Variants in PM20D2 observed in about 807,000 individuals in gnomAD.
PM20D2 encodes xaa-Arg dipeptidase.
Under a neutral mutation model 42.9 loss-of-function variants are expected in PM20D2, and 33 were observed. The observed-to-expected ratio is 0.77, with a 90% CI of 0.58 to 1.03. The LOEUF is 1.03. PM20D2 is among the 50% of genes least tolerant of loss of function. The probability of loss-of-function intolerance (pLI) is 0.00; values close to 1 mark genes in which losing one functional copy is unlikely to be tolerated. For missense variants in PM20D2, 548 were observed against 557.0 expected (o/e 0.98, Z 0.16); for synonymous variants, 250 against 228.2 (o/e 1.10, Z -0.86).
At chr6:89,127,168 A>G in the PM20D2 span, among the ~76,000 whole-genome samples, 2 of 152,190 alleles carry the variant, frequency 1.3e-5, no homozygotes, top group Admixed American at 1.3e-4. Flanking sequence ...ATTCCAGTCA[A>G]TAAAATAAAG....
At chr6:89,118,475 C>T in the PM20D2 span, among the ~76,000 whole-genome samples, 1 of 151,978 alleles carries the variant, frequency 6.6e-6, no homozygotes, top group African/African-American at 2.4e-5. Context: ...TGTGAGGTCT[C>T]GGTTTTGTTC....
At chr6:89,104,920 G>GT in the PM20D2 span, among the ~76,000 whole-genome samples, 1 of 151,998 alleles carries the variant, frequency 6.6e-6, no homozygotes, top group Non-Finnish European at 1.5e-5. Context: ...GCCCAGTGTG[G>GT]TGGTGCACAC....
chr6:89,161,788 A>G lies in PM20D2; in HGVS notation c.1054A>G (p.Thr352Ala), dbSNP rs1401567734. The change falls in exon 6 of 7, where the codon ACG (threonine) becomes GCG (alanine). Residue 352 changes from threonine (T) to alanine (A), a missense_variant. Around this residue, in one of 3 missense-constraint regions of PM20D2, gnomAD observed 470 missense variants for 464.4 expected, o/e 1.01. Transcript: ENST00000275072. The part of the protein sequence containing the change: ...DTMLNGPSGS[T>A]DFGNVSFVVP... ...TTAACTTTGTGTGTTCCAAGGATCT[A>G]CGGATTTTGGAAATGTTAGTTTTGT... 13 of 1,604,130 alleles carry G rather than the reference A, an allele frequency of 8.1e-6. No homozygotes were observed. The highest frequency in any genetic ancestry group is 4.5e-5 in the East Asian group (2 of 44,840).
chr6:89,130,674 G>A, the PM20D2 span, among the ~76,000 whole-genome samples: 2 of 151,920 alleles, frequency 1.3e-5, no homozygotes, highest in Non-Finnish European at 2.9e-5. Flanking sequence ...TGCCCAGGCT[G>A]GTCTCAAACT....
the PM20D2 span, among the ~76,000 whole-genome samples, chr6:89,138,388 C>G: frequency 3.9e-5 from 6 of 152,156 alleles, no homozygotes; most frequent in Non-Finnish European, 7.3e-5. Flanking sequence ...ATGAGAGCAT[C>G]AACTGCTGCC....
At chr6:89,099,135 A>G in the PM20D2 span, among the ~76,000 whole-genome samples, 1 of 152,036 alleles carries the variant, frequency 6.6e-6, no homozygotes, top group African/African-American at 2.4e-5. Context: ...AATATTTGTT[A>G]TACTAGAATA....
chr6:89,164,475 A>G lies in PM20D2; in HGVS notation c.*2212A>G, dbSNP rs1416099022. 7 of 152,620 alleles carry G rather than the reference A, an allele frequency of 4.6e-5. No individual in the cohort carries two copies. The highest frequency in any genetic ancestry group is 1.7e-4 in the African/African-American group (7 of 41,460). 9.5% of individuals were successfully genotyped at this position (152,620 alleles called of 1,614,324 possible). A position where few individuals can be genotyped will look rare whatever the true frequency, so the allele number is the denominator to read the frequency against. On this transcript the variant is annotated 3_prime_UTR_variant, in exon 7 of 7. Transcript: ENST00000275072. The stretch of plus-strand genomic sequence containing the variant: ...AGTTCACAAGGAAGATTGTTGTAAC[A>G]GAAGAGTGACAACCAATAGTTTTTT...
chr6:89,107,122 T>C, the PM20D2 span: 1 of 1,564,370 alleles, frequency 6.4e-7, no homozygotes, highest in South Asian at 1.1e-5. Flanking sequence ...ATATACAGTA[T>C]ATTCACATGC....
the PM20D2 span, among the ~76,000 whole-genome samples, chr6:89,110,435 C>T: frequency 6.6e-6 from 1 of 152,066 alleles, no homozygotes; most frequent in Non-Finnish European, 1.5e-5. Context: ...CTTGGCCCAC[C>T]ACCAGTCTGG....
At chr6:89,116,630 C>G in the PM20D2 span, among the ~76,000 whole-genome samples, 1 of 151,998 alleles carries the variant, frequency 6.6e-6, no homozygotes, top group Non-Finnish European at 1.5e-5. Context: ...TAAAAATTAG[C>G]CGGGTGTGGT....
At chr6:89,117,973 TCCGCC>T in the PM20D2 span, 1 of 1,414,348 alleles carries the variant, frequency 7.1e-7, no homozygotes, top group African/African-American at 1.5e-5. Flanking sequence ...CCACAGGAGC[TCCGCC>T]GGCCCCCGGC....
In PM20D2 at chr6:89,146,259, G is replaced by C. The variant is rs1473200460; in HGVS notation, c.115G>C (p.Gly39Arg). The change falls in exon 1 of 7, where the codon GGG becomes CGG. Residue 39 changes from glycine to arginine, a missense_variant. Around this residue, in one of 3 missense-constraint regions of PM20D2, gnomAD observed 470 missense variants for 464.4 expected, o/e 1.01. Transcript: ENST00000275072. The stretch of plus-strand genomic sequence containing the variant: ...CATCGACGAGGCGGCCGAGCGGCTG[G>C]GGGCCCTGAGCCGCGCGATCTGGAG... ...ECIDEAAERL[G>R]ALSRAIWSQP... 8 of 1,579,766 alleles carry C rather than the reference G, an allele frequency of 5.1e-6. No individual in the cohort carries two copies. The highest frequency in any genetic ancestry group is 6.0e-6 in the Non-Finnish European group (7 of 1,170,876).
the PM20D2 span, chr6:89,098,101 T>TATCC: frequency 6.5e-6 from 1 of 152,960 alleles, no homozygotes; most frequent in South Asian, 2.1e-4. Context: ...TATGAACTAA[T>TATCC]ATCCACCAGG....
intron 1 of PM20D2, 62 bp downstream of exon 1, chr6:89,146,671 G>A (rs1441069666): frequency 3.1e-6 from 4 of 1,280,716 alleles, no homozygotes; most frequent in East Asian, 6.1e-5. Flanking sequence ...GACCCGGGAA[G>A]GGCGGGACTC....
At chr6:89,128,044 C>T in the PM20D2 span, among the ~76,000 whole-genome samples, 406 of 152,140 alleles carry the variant, frequency 2.7e-3, 1 homozygote, top group Admixed American at 5.8e-3. Flanking sequence ...GAAATCAGTG[C>T]ACCTTGAAAA....
intron 4 of PM20D2, among the ~76,000 whole-genome samples, chr6:89,155,258 C>CTTTTTT (rs34776724): frequency 1.0e-4 from 6 of 58,924 alleles, no homozygotes; most frequent in Non-Finnish European, 9.2e-5. Flanking sequence ...TCAGCAAAAG[C>CTTTTTT]TTTTTTTTTT....
chr6:89,102,692 A>G, the PM20D2 span, among the ~76,000 whole-genome samples: 2 of 152,166 alleles, frequency 1.3e-5, no homozygotes, highest in Non-Finnish European at 1.5e-5. Context: ...TAACATACAC[A>G]TTCCTTGATA....
the PM20D2 span, chr6:89,118,068 G>C: frequency 3.8e-6 from 1 of 262,640 alleles, no homozygotes; most frequent in Non-Finnish European, 6.1e-6. Flanking sequence ...CGCGGCGCCA[G>C]CCTGGACGCA....
chr6:89,118,297 C>T, the PM20D2 span, among the ~76,000 whole-genome samples: 9 of 152,252 alleles, frequency 5.9e-5, no homozygotes, highest in South Asian at 1.7e-3. Flanking sequence ...TTAGAGGACC[C>T]AGAGGTGGTG....
Sources: allele counts gnomAD v4.1 joint callset (sites outside exome capture counted in the v4.1 genomes callset), GRCh38; gene constraint gnomAD v4.1.1; regional missense constraint gnomAD v4.1.1; transcripts MANE v1.5; gene names NCBI Gene and HGNC (gene_info 2026-07-23, HGNC 2026-07-21).